The following DLGAP2 variants were observed in gnomAD, a reference collection of about 807,000 sequenced individuals.
DLGAP2 encodes disks large-associated protein 2.
In DLGAP2, 26 loss-of-function variants were observed where a neutral mutation model predicts 100.3. The ratio of observed to expected loss-of-function variants is 0.26; its 90% CI spans 0.19 to 0.36. The LOEUF (loss-of-function observed/expected upper bound fraction) is 0.36. Ranked by LOEUF, DLGAP2 falls within the 10% of genes least tolerant of loss-of-function variation. The pLI is 1.00. For synonymous variants in DLGAP2, 886 were observed against 630.1 expected, an observed-to-expected ratio of 1.41 and a Z score of -6.08; for missense variants, 1,858 against 1,453.2, an observed-to-expected ratio of 1.28 and a Z score of -4.53.
At chr8:923,599 G>A (rs1227880676) in intron 2 of DLGAP2, among the ~76,000 whole-genome samples, 1 of 152,178 alleles carries the variant, frequency 6.6e-6, no homozygotes, top group Admixed American at 6.5e-5. Context: ...CTTTTTAAGG[G>A]TATGGCGTAG....
chr8:791,645 C>T (rs1053258653), intron 1 of DLGAP2, among the ~76,000 whole-genome samples: 3 of 152,082 alleles, frequency 2.0e-5, no homozygotes, highest in African/African-American at 7.2e-5. Flanking sequence ...ATGTAATATG[C>T]CAAATCTTTG....
chr8:1,290,510 T>C (rs1018948400), intron 3 of DLGAP2, among the ~76,000 whole-genome samples: 1 of 152,186 alleles, frequency 6.6e-6, no homozygotes, highest in Non-Finnish European at 1.5e-5. Context: ...AAACCCTTTA[T>C]AATGAAGGGA....
chr8:1,204,213 T>C (rs1263733117), intron 2 of DLGAP2, among the ~76,000 whole-genome samples: 1 of 152,228 alleles, frequency 6.6e-6, no homozygotes, highest in African/African-American at 2.4e-5. Context: ...CGGGTTTTTA[T>C]CTGCTCCTAC....
At chr8:1,082,016 G>A (rs905769330) in intron 2 of DLGAP2, among the ~76,000 whole-genome samples, 5 of 152,166 alleles carry the variant, frequency 3.3e-5, no homozygotes, top group African/African-American at 1.2e-4. Flanking sequence ...TCTTTTCCCT[G>A]TTCTGAAAAT....
chr8:1,382,638 AG>A (rs1796123536), intron 3 of DLGAP2, among the ~76,000 whole-genome samples: 1 of 152,142 alleles, frequency 6.6e-6, no homozygotes, highest in Non-Finnish European at 1.5e-5. Flanking sequence ...GCTACTTTGC[AG>A]GCTGAGGTGG....
chr8:1,153,396 T>C lies in DLGAP2; in HGVS notation c.74-105455T>C, dbSNP rs537543353. Among the ~76,000 whole-genome samples, 16 of 152,282 alleles carry C rather than the reference T, an allele frequency of 1.1e-4. No homozygotes were observed. In the South Asian group the frequency reaches 3.3e-3, roughly 32 times the overall value. ...AAACACGCCTCTTTCTAGTCACTGA[T>C]TTAATTAGTGTAGAACATGGTACAG... On this transcript the variant is annotated intron_variant, in intron 2 of 14. Transcript: ENST00000637795.
chr8:838,813 G>A (rs972551043), intron 1 of DLGAP2, among the ~76,000 whole-genome samples: 2 of 152,184 alleles, frequency 1.3e-5, no homozygotes, highest in African/African-American at 2.4e-5. Flanking sequence ...AAGAAGTAAA[G>A]GCAATTAATT....
At chr8:1,036,264 A>ACG (rs1802120308) in intron 2 of DLGAP2, among the ~76,000 whole-genome samples, 1 of 146,834 alleles carries the variant, frequency 6.8e-6, no homozygotes, top group Admixed American at 6.7e-5. Flanking sequence ...CCGACCCCAC[A>ACG]TGTTCACGTG....
chr8:1,624,563 T>C (rs574052254), intron 6 of DLGAP2, among the ~76,000 whole-genome samples: 1 of 151,728 alleles, frequency 6.6e-6, no homozygotes, highest in South Asian at 2.1e-4. Context: ...GCTGTTGACA[T>C]TTTGCCGCTC....
At chr8:1,095,074 G>A (rs1466528679) in intron 2 of DLGAP2, among the ~76,000 whole-genome samples, 7 of 140,998 alleles carry the variant, frequency 5.0e-5, no homozygotes, top group South Asian at 4.8e-4. Flanking sequence ...CACCTTCCCA[G>A]GGTGGAGTGA....
At chr8:1,598,477 G>A (rs777850138) in intron 6 of DLGAP2, among the ~76,000 whole-genome samples, 15 of 152,192 alleles carry the variant, frequency 9.9e-5, no homozygotes, top group Non-Finnish European at 2.2e-4. Context: ...GAATTTGGCT[G>A]TGAATCCATC....
At chr8:1,631,596 G>A (rs957548191) in intron 7 of DLGAP2, among the ~76,000 whole-genome samples, 1 of 152,092 alleles carries the variant, frequency 6.6e-6, no homozygotes, top group Non-Finnish European at 1.5e-5. Flanking sequence ...CCAGTGTCAG[G>A]AATCCTCAGA....
chr8:1,263,439 A>T (rs570242250), intron 3 of DLGAP2, among the ~76,000 whole-genome samples: 1 of 152,214 alleles, frequency 6.6e-6, no homozygotes, highest in African/African-American at 2.4e-5. Context: ...TTGGGAAGAC[A>T]TACAGAATCC....
intron 3 of DLGAP2, among the ~76,000 whole-genome samples, chr8:1,463,296 G>T (rs1204849710): frequency 1.3e-5 from 2 of 152,204 alleles, no homozygotes; most frequent in Non-Finnish European, 2.9e-5. Flanking sequence ...GAGACAAGCG[G>T]CCCCAGCGTT....
intron 2 of DLGAP2, among the ~76,000 whole-genome samples, chr8:1,249,767 A>G (rs1798995543): frequency 6.6e-6 from 1 of 152,288 alleles, no homozygotes; most frequent in South Asian, 2.1e-4. Flanking sequence ...TGGGCCATTT[A>G]TTTTTTAGCT....
intron 10 of DLGAP2, among the ~76,000 whole-genome samples, chr8:1,671,740 C>G (rs1474347852): frequency 6.6e-6 from 1 of 152,254 alleles, no homozygotes; most frequent in Non-Finnish European, 1.5e-5. Flanking sequence ...AGCGGCAAGT[C>G]CCCTGTTCCT....
intron 2 of DLGAP2, among the ~76,000 whole-genome samples, chr8:1,219,345 G>A (rs763858481): frequency 7.9e-5 from 12 of 152,096 alleles, no homozygotes; most frequent in East Asian, 1.9e-4. Flanking sequence ...GAATTCTATC[G>A]AAAGCCTTTT....
chr8:1,072,302 A>G (rs1480121218), intron 2 of DLGAP2, among the ~76,000 whole-genome samples: 1 of 152,158 alleles, frequency 6.6e-6, no homozygotes, highest in Admixed American at 6.5e-5. Context: ...TTGTAATAAC[A>G]TTTTGGAAAG....
chr8:768,749 T>G (rs1821279489), intron 1 of DLGAP2, among the ~76,000 whole-genome samples: 1 of 152,146 alleles, frequency 6.6e-6, no homozygotes, highest in African/African-American at 2.4e-5. Flanking sequence ...CCACACCTCC[T>G]GGTGCACTCC....
Sources: gnomAD v4.1 joint callset for allele counts (sites outside exome capture counted in the v4.1 genomes callset) on GRCh38, gnomAD v4.1.1 for gene constraint, MANE v1.5 for transcripts, NCBI Gene and HGNC (gene_info 2026-07-23, HGNC 2026-07-21) for gene names.